DOCK2: variants seen among roughly 807,000 people sequenced by gnomAD.
DOCK2 encodes dedicator of cytokinesis protein 2.
DOCK2 carries 87 observed loss-of-function variants against 248.9 expected under a neutral mutation model. That is an observed-to-expected ratio of 0.35 (90% CI 0.29 to 0.42). The LOEUF is 0.42. Among genes scored for constraint, DOCK2 ranks in the 10% least tolerant of loss-of-function variants. The pLI, the probability that DOCK2 is intolerant of heterozygous loss-of-function variation, is 1.00. For missense variants in DOCK2, 1,747 were observed against 2,300.2 expected, an observed-to-expected ratio of 0.76 and a Z score of 4.92; for synonymous variants, 805 against 821.6, an observed-to-expected ratio of 0.98 and a Z score of 0.35.
At chr5:169,797,642 T>C (rs1028693069) in intron 25 of DOCK2, among the ~76,000 whole-genome samples, 6 of 152,228 alleles carry the variant, frequency 3.9e-5, no homozygotes, top group African/African-American at 1.2e-4. Flanking sequence ...GTCTGAATTA[T>C]AATTTGGACT....
chr5:169,842,565 G>C (rs1020961448), intron 27 of DOCK2, among the ~76,000 whole-genome samples: 1 of 152,056 alleles, frequency 6.6e-6, no homozygotes, highest in African/African-American at 2.4e-5. Flanking sequence ...ACTACATGTT[G>C]ACCAGGCTGG....
At position 170,078,995 on chromosome 5, in the gene DOCK2, C is replaced by T; in HGVS notation, c.5015C>T (p.Ser1672Leu). Residue 1672 changes from serine to leucine, a missense_variant, in exon 49 of 52, where the codon TCA becomes TTA. Ser to Leu is a moderately radical substitution (Grantham distance 145). Coordinates refer to ENST00000520908, the MANE Select transcript of DOCK2 (RefSeq NM_004946.3). ...TSESFDLELA[S>L]PKTPRVEQEE... ...TTCAGCTTTGACCTGGAATTAGCATCACCCAAGACGCCGAGAGTGGAGCAG... is the reference window on the plus strand; with the variant it reads ...TTCAGCTTTGACCTGGAATTAGCATTACCCAAGACGCCGAGAGTGGAGCAG... 6.2e-7 allele frequency: 1 copy of T among 1,614,112 alleles called. No homozygotes were observed. The highest frequency in any genetic ancestry group is 8.5e-7 in the Non-Finnish European group (1 of 1,179,994).
chr5:170,010,253 T>C (rs767562382), intron 32 of DOCK2, among the ~76,000 whole-genome samples: 12 of 152,182 alleles, frequency 7.9e-5, no homozygotes, highest in Non-Finnish European at 1.8e-4. Flanking sequence ...AAATATCCCC[T>C]GGGAGAAGGG....
chr5:169,845,801 A>G (rs932037640), intron 27 of DOCK2, among the ~76,000 whole-genome samples: 1 of 152,248 alleles, frequency 6.6e-6, no homozygotes, highest in African/African-American at 2.4e-5. Flanking sequence ...GGGGAGAGCC[A>G]GAGGCCTGCG....
At chr5:170,016,572 A>G (rs988433705) in intron 32 of DOCK2, among the ~76,000 whole-genome samples, 6 of 152,342 alleles carry the variant, frequency 3.9e-5, no homozygotes, top group Admixed American at 3.3e-4. Context: ...ATTCTGCCAA[A>G]TATCTCCTCA....
At chr5:169,693,993 T>A (rs1172134110) in intron 9 of DOCK2, among the ~76,000 whole-genome samples, 1 of 152,180 alleles carries the variant, frequency 6.6e-6, no homozygotes, top group African/African-American at 2.4e-5. Context: ...CATAGCAATA[T>A]CCAGACCGGT....
At chr5:169,773,404 C>T (rs540134180) in intron 25 of DOCK2, among the ~76,000 whole-genome samples, 21 of 152,102 alleles carry the variant, frequency 1.4e-4, no homozygotes, top group African/African-American at 4.8e-4. Context: ...AAAAAATTCC[C>T]GATCACTTCT....
chr5:169,778,682 AT>A (rs1412580678), intron 25 of DOCK2, among the ~76,000 whole-genome samples: 7 of 152,240 alleles, frequency 4.6e-5, no homozygotes, highest in Non-Finnish European at 1.0e-4. Context: ...GAATTTGCAC[AT>A]TGGGCATATC....
chr5:169,950,984 A>C (rs867846841), intron 27 of DOCK2, among the ~76,000 whole-genome samples: 1 of 152,226 alleles, frequency 6.6e-6, no homozygotes, highest in Non-Finnish European at 1.5e-5. Flanking sequence ...GGGCGGTTGA[A>C]TGTAAACATT....
chr5:169,960,035 C>A (rs1777022861), intron 27 of DOCK2, among the ~76,000 whole-genome samples: 1 of 152,168 alleles, frequency 6.6e-6, no homozygotes. Context: ...GGATCTCAGG[C>A]TATCAGTCCC....
At chr5:169,719,768 G>T (rs2113564263) in intron 22 of DOCK2, among the ~76,000 whole-genome samples, 1 of 152,324 alleles carries the variant, frequency 6.6e-6, no homozygotes, top group East Asian at 1.9e-4. Context: ...CCTATGCCAA[G>T]AACTGTTTTG....
chr5:169,812,482 T>C (rs1476807568), intron 26 of DOCK2, among the ~76,000 whole-genome samples: 2 of 152,194 alleles, frequency 1.3e-5, no homozygotes, highest in Non-Finnish European at 2.9e-5. Flanking sequence ...GTAAATGTAA[T>C]GCACTTGAAT....
chr5:169,920,912 G>A (rs977238643), intron 27 of DOCK2, among the ~76,000 whole-genome samples: 3 of 152,152 alleles, frequency 2.0e-5, no homozygotes, highest in Non-Finnish European at 2.9e-5. Context: ...GAGATCAGCA[G>A]CTCTTATTGT....
At chr5:170,065,994 G>C (rs1206118592) in intron 44 of DOCK2, among the ~76,000 whole-genome samples, 4 of 140,340 alleles carry the variant, frequency 2.9e-5, no homozygotes, top group South Asian at 4.5e-4. Flanking sequence ...CTCTGTCGCC[G>C]AGGCTGGAGT....
chr5:169,862,047 A>G (rs1334095302), intron 27 of DOCK2, among the ~76,000 whole-genome samples: 12 of 151,954 alleles, frequency 7.9e-5, no homozygotes, highest in Admixed American at 7.9e-4. Flanking sequence ...CATATCTATG[A>G]CCACATCAGC....
chr5:170,063,553 A>C (rs1194626452), intron 44 of DOCK2, among the ~76,000 whole-genome samples: 1 of 152,178 alleles, frequency 6.6e-6, no homozygotes, highest in Non-Finnish European at 1.5e-5. Flanking sequence ...TAGGGCAAAC[A>C]AACAATAGCT....
intron 46 of DOCK2, among the ~76,000 whole-genome samples, chr5:170,072,449 G>C (rs557770907): frequency 2.4e-4 from 36 of 152,114 alleles, no homozygotes; most frequent in Non-Finnish European, 3.7e-4. Flanking sequence ...TTGGACATTT[G>C]GATGTTTTCA....
At chr5:169,669,203 TAAAAC>T (rs71310047) in intron 2 of DOCK2, 80 bp from the exon 3 acceptor site, 126 of 1,537,066 alleles carry the variant, frequency 8.2e-5, no homozygotes, top group African/African-American at 5.0e-4. Context: ...TTTACTAGTT[TAAAAC>T]AAAACAAAAC....
chr5:169,787,083 T>A (rs771147286), intron 25 of DOCK2, among the ~76,000 whole-genome samples: 2 of 152,134 alleles, frequency 1.3e-5, no homozygotes, highest in Non-Finnish European at 2.9e-5. Flanking sequence ...ACTTTACAGA[T>A]ACAGAAACAA....
Sources: allele counts gnomAD v4.1 joint callset (sites outside exome capture counted in the v4.1 genomes callset), GRCh38; gene constraint gnomAD v4.1.1; transcripts MANE v1.5; gene names NCBI Gene and HGNC (gene_info 2026-07-23, HGNC 2026-07-21).